The following GRHL2 variants were observed in gnomAD, a reference collection of about 807,000 sequenced individuals.
The protein encoded by GRHL2 is grainyhead like transcription factor 2, also known as grainyhead-like protein 2 homolog.
A neutral mutation model predicts 83.8 loss-of-function variants in GRHL2; 21 were observed. That is an observed-to-expected ratio of 0.25 (90% CI 0.18 to 0.36). The LOEUF is 0.36. Ranked by LOEUF, GRHL2 falls within the 10% of genes least tolerant of loss-of-function variation. The pLI is 1.00. For synonymous variants in GRHL2, 280 were observed against 278.9 expected (o/e 1.00, Z -0.04); for missense variants, 623 against 781.8 (o/e 0.80, Z 2.42).
intron 14 of GRHL2, among the ~76,000 whole-genome samples, chr8:101,664,133 T>C (rs558970181): frequency 1.3e-5 from 2 of 152,324 alleles, no homozygotes; most frequent in African/African-American, 4.8e-5. Flanking sequence ...GGAGAAGGAA[T>C]CCAATATAAC....
chr8:101,580,848 C>T (rs559149569), intron 7 of GRHL2, among the ~76,000 whole-genome samples: 1 of 152,204 alleles, frequency 6.6e-6, no homozygotes, highest in East Asian at 1.9e-4. Flanking sequence ...GGGCTACAGG[C>T]ACACGCCACC....
intron 1 of GRHL2, among the ~76,000 whole-genome samples, chr8:101,538,324 G>C (rs1201754135): frequency 6.6e-6 from 1 of 152,090 alleles, no homozygotes; most frequent in African/African-American, 2.4e-5. Context: ...GGCTGGTCTT[G>C]GTCTCAGTGG....
chr8:101,570,519 C>T, intron 5 of GRHL2, 125 bp downstream of exon 5: 1 of 825,136 alleles, frequency 1.2e-6, no homozygotes, highest in Non-Finnish European at 2.1e-6. Context: ...ATTTCCTTTG[C>T]CTCAGTGCTT....
intron 1 of GRHL2, among the ~76,000 whole-genome samples, chr8:101,506,536 A>G (rs1380607176): frequency 6.6e-6 from 1 of 152,174 alleles, no homozygotes; most frequent in Non-Finnish European, 1.5e-5. Context: ...GTATTCTCGT[A>G]CATAGCATTT....
chr8:101,652,552 G>T (rs1586173640), intron 14 of GRHL2, among the ~76,000 whole-genome samples: 14 of 90,866 alleles, frequency 1.5e-4, no homozygotes, highest in South Asian at 1.4e-3. Flanking sequence ...TGTGTGGTGT[G>T]TATGTGTGGT....
chr8:101,616,697 C>G (rs1265087685), intron 8 of GRHL2, among the ~76,000 whole-genome samples: 1 of 152,152 alleles, frequency 6.6e-6, no homozygotes. Context: ...ACACACAACA[C>G]AGAGGACCAC....
At chr8:101,613,931 G>T (rs1812804231) in intron 8 of GRHL2, among the ~76,000 whole-genome samples, 1 of 150,882 alleles carries the variant, frequency 6.6e-6, no homozygotes, top group Admixed American at 6.6e-5. Flanking sequence ...GCAAAATACA[G>T]TTGCTTAAAG....
intron 14 of GRHL2, among the ~76,000 whole-genome samples, chr8:101,654,598 T>A (rs980024494): frequency 2.4e-4 from 36 of 152,338 alleles, no homozygotes; most frequent in African/African-American, 8.4e-4. Flanking sequence ...TTAAAAAAAA[T>A]AATTTTTGGC....
chr8:101,637,729 A>T (rs534971527), intron 12 of GRHL2, among the ~76,000 whole-genome samples: 1 of 152,302 alleles, frequency 6.6e-6, no homozygotes, highest in Non-Finnish European at 1.5e-5. Context: ...GAGATAGCTC[A>T]TCACACTATT....
downstream of GRHL2, among the ~76,000 whole-genome samples, chr8:101,674,270 C>T (rs1814255963): frequency 6.6e-6 from 1 of 152,074 alleles, no homozygotes; most frequent in Non-Finnish European, 1.5e-5. Context: ...AATCCAGGAG[C>T]TGGTCTTTTG....
At position 101,666,630 on chromosome 8, in the gene GRHL2, C is replaced by T. The variant is rs1199108162; in HGVS notation, c.1805C>T (p.Ser602Leu). ...NMDDNIIEHY[S>L]NEDTFILNME... ...GATGACAACATCATCGAGCACTACT[C>T]GAACGAGGACACCTTCATCCTCAAC... Residue 602 changes from serine (S) to leucine (L), a missense_variant, in exon 16 of 16, where the codon TCG becomes TTG. Physicochemically the swap from Ser to Leu is moderately radical, Grantham distance 145. Around this residue, in one of 8 missense-constraint regions of GRHL2, gnomAD observed 210 missense variants for 254.8 expected, o/e 0.82. Transcript: ENST00000646743. 8.7e-6 allele frequency: 14 copies of T among 1,613,282 alleles called. No individual in the cohort carries two copies. Among genetic ancestry groups the T allele is most frequent in the African/African-American group, 4.0e-5 (3 of 74,890 alleles).
intron 9 of GRHL2, among the ~76,000 whole-genome samples, chr8:101,627,244 G>A (rs1813098325): frequency 6.6e-6 from 1 of 152,052 alleles, no homozygotes; most frequent in African/African-American, 2.4e-5. Context: ...TATTGATCAA[G>A]TCTGTCAGCT....
At position 101,573,854 on chromosome 8, in the gene GRHL2, A is replaced by G. The variant is rs1192415436; in HGVS notation, c.891+30A>G. Reference sequence around the variant, plus strand: ...GGGCCACATTTCTCAGATAAAGTACAAAGGAATCCGATGAACGGAATGGCT... The same window carrying G: ...GGGCCACATTTCTCAGATAAAGTACGAAGGAATCCGATGAACGGAATGGCT... On this transcript the variant is annotated intron_variant, in intron 6 of 15. Coordinates refer to ENST00000646743, the MANE Select transcript of GRHL2 (RefSeq NM_024915.4). 3 of 1,613,422 alleles carry G rather than the reference A, an allele frequency of 1.9e-6. No homozygotes were observed. The Admixed American group carries it at 5.0e-5, about 27-fold the overall frequency.
chr8:101,641,963 G>A (rs1457740219), intron 12 of GRHL2, among the ~76,000 whole-genome samples: 1 of 152,112 alleles, frequency 6.6e-6, no homozygotes, highest in East Asian at 1.9e-4. Flanking sequence ...ATTGTTTTGG[G>A]ACTAATGATA....
intron 2 of GRHL2, among the ~76,000 whole-genome samples, chr8:101,551,606 T>G (rs1022335234): frequency 2.7e-5 from 4 of 149,554 alleles, no homozygotes; most frequent in African/African-American, 1.0e-4. Context: ...AAGGAAGATC[T>G]GGAGATAGAG....
intron 7 of GRHL2, among the ~76,000 whole-genome samples, chr8:101,595,359 T>C (rs1201995520): frequency 1.3e-5 from 2 of 152,218 alleles, no homozygotes; most frequent in African/African-American, 4.8e-5. Context: ...AACCTCATAA[T>C]GTTGTAACTC....
chr8:101,559,353 CAAAAAAAAAAAAAAAAAA>C, intron 4 of GRHL2, among the ~76,000 whole-genome samples: 1 of 88,942 alleles, frequency 1.1e-5, no homozygotes, highest in South Asian at 4.4e-4. Flanking sequence ...ACTAAAAATA[CAAAAAAAAAAAAAAAAAA>C]AAAAAAAAAT....
chr8:101,502,370 G>A (rs1257839499), intron 1 of GRHL2, among the ~76,000 whole-genome samples: 5 of 152,150 alleles, frequency 3.3e-5, no homozygotes, highest in Non-Finnish European at 7.4e-5. Context: ...ACCTGCTTCT[G>A]CTCCCAAGCC....
chr8:101,663,240 G>C (rs1813963153), intron 14 of GRHL2, among the ~76,000 whole-genome samples: 1 of 152,298 alleles, frequency 6.6e-6, no homozygotes, highest in South Asian at 2.1e-4. Context: ...TTGCATCTGA[G>C]AGTAACAATA....
Sources: allele counts gnomAD v4.1 joint callset (sites outside exome capture counted in the v4.1 genomes callset), GRCh38; gene constraint gnomAD v4.1.1; regional missense constraint gnomAD v4.1.1; transcripts MANE v1.5; gene names NCBI Gene and HGNC (gene_info 2026-07-23, HGNC 2026-07-21).